TFCP2: variants seen among roughly 807,000 people sequenced by gnomAD.
TFCP2 encodes alpha-globin transcription factor CP2.
TFCP2 carries 33 observed loss-of-function variants against 73.4 expected under a neutral mutation model. The ratio of observed to expected loss-of-function variants is 0.45; its 90% confidence interval spans 0.34 to 0.60. The LOEUF (loss-of-function observed/expected upper bound fraction) is 0.60. Among genes scored for constraint, TFCP2 ranks in the 20% least tolerant of loss-of-function variants. The pLI is 0.01. For missense variants in TFCP2, 352 were observed against 604.0 expected (o/e 0.58, Z 4.37); for synonymous variants, 193 against 211.6 (o/e 0.91, Z 0.76).
intron 10 of TFCP2, 85 bp from the exon 11 acceptor site, chr12:51,102,110 C>T (rs1347695902): frequency 2.2e-6 from 2 of 911,602 alleles, no homozygotes; most frequent in Non-Finnish European, 3.5e-6. Flanking sequence ...TATAAGGACA[C>T]CTCATTACCA....
At chr12:51,144,085 A>C (rs1941241943) in intron 1 of TFCP2, among the ~76,000 whole-genome samples, 1 of 152,178 alleles carries the variant, frequency 6.6e-6, no homozygotes. Context: ...GGCCAAGTGC[A>C]GTGGCATAAT....
intron 1 of TFCP2, among the ~76,000 whole-genome samples, chr12:51,121,281 C>A (rs561492872): frequency 9.9e-5 from 15 of 151,628 alleles, no homozygotes; most frequent in Middle Eastern, 3.4e-3. Flanking sequence ...ATTAGCCGGG[C>A]GCGTTGGCGC....
At chr12:51,132,880 C>G (rs1940979401) in intron 1 of TFCP2, among the ~76,000 whole-genome samples, 1 of 152,156 alleles carries the variant, frequency 6.6e-6, no homozygotes, top group South Asian at 2.1e-4. Flanking sequence ...AGTGAGCCAT[C>G]TTGAACGTCC....
At chr12:51,166,998 A>T (rs1054637217) in intron 1 of TFCP2, among the ~76,000 whole-genome samples, 1 of 152,148 alleles carries the variant, frequency 6.6e-6, no homozygotes, top group Non-Finnish European at 1.5e-5. Flanking sequence ...CCTCCTCCAT[A>T]GTTCTAGTCA....
intron 1 of TFCP2, among the ~76,000 whole-genome samples, chr12:51,154,105 C>T (rs1941488124): frequency 6.6e-6 from 1 of 152,176 alleles, no homozygotes; most frequent in African/African-American, 2.4e-5. Context: ...GTACTTACAA[C>T]ATTTTGCTTA....
chr12:51,154,415 T>C (rs944087011), intron 1 of TFCP2, among the ~76,000 whole-genome samples: 4 of 152,226 alleles, frequency 2.6e-5, no homozygotes, highest in Non-Finnish European at 2.9e-5. Flanking sequence ...TAAATGTGGC[T>C]GGGCACAGTG....
intron 1 of TFCP2, among the ~76,000 whole-genome samples, chr12:51,167,661 T>G (rs1941782466): frequency 6.6e-6 from 1 of 152,150 alleles, no homozygotes; most frequent in African/African-American, 2.4e-5. Context: ...CCCAAAGTGC[T>G]GGGATTACAG....
chr12:51,148,836 C>A (rs1298947061), intron 1 of TFCP2, among the ~76,000 whole-genome samples: 1 of 151,216 alleles, frequency 6.6e-6, no homozygotes, highest in East Asian at 1.9e-4. Flanking sequence ...GCCAGCCTGA[C>A]CAATATGGCG....
At chr12:51,171,670 A>C (rs1941865602) in intron 1 of TFCP2, among the ~76,000 whole-genome samples, 1 of 152,132 alleles carries the variant, frequency 6.6e-6, no homozygotes, top group Non-Finnish European at 1.5e-5. Flanking sequence ...GAGCCACCGC[A>C]CCCGGCCGAA....
chr12:51,164,909 G>C (rs1941722409), intron 1 of TFCP2, among the ~76,000 whole-genome samples: 1 of 152,170 alleles, frequency 6.6e-6, no homozygotes, highest in South Asian at 2.1e-4. Context: ...GAAAAGTCCA[G>C]TATCACATGG....
intron 9 of TFCP2, 51 bp from the exon 10 acceptor site, chr12:51,103,814 CCCAT>C: frequency 7.5e-6 from 11 of 1,459,418 alleles, no homozygotes; most frequent in Non-Finnish European, 7.7e-6. Context: ...TGTCTGTTAC[CCCAT>C]TAGGTAACAC....
rs1271802301 is a variant in TFCP2, at chr12:51,151,222, G to A, written c.122+21079C>T. 3.9e-5 allele frequency among the ~76,000 whole-genome samples: 6 copies of A among 152,184 alleles called. No individual in the cohort carries two copies. The East Asian group carries it at 1.2e-3, about 29-fold the overall frequency. ...CAGGGGAAGAGTATATTCAATGGCT[G>A]GAGGAGCAGACCATATGGATCCTTG... On this transcript the variant is annotated intron_variant, in intron 1 of 14. Transcript: ENST00000257915.
rs370014177 is a variant in TFCP2 at position 51,172,681 on chromosome 12, C to T, written c.-259G>A. 105 of 412,058 alleles carry T rather than the reference C, an allele frequency of 2.5e-4. No homozygotes were observed. In the East Asian group the frequency reaches 2.7e-3, roughly 11 times the overall value. 25.5% of individuals were successfully genotyped at this position (412,058 alleles called of 1,614,324 possible). A position where few individuals can be genotyped will look rare whatever the true frequency, so the allele number is the denominator to read the frequency against. On this transcript the variant is annotated 5_prime_UTR_variant, in exon 1 of 15. Transcript: ENST00000257915. ...TCAGGAACGTGAGGACCCCTTTGCT[C>T]AACTACTGCAGACTTCCCAGAGGCA...
chr12:51,131,040 T>C (rs1455596525), intron 1 of TFCP2, among the ~76,000 whole-genome samples: 2 of 149,652 alleles, frequency 1.3e-5, no homozygotes, highest in Non-Finnish European at 3.0e-5. Flanking sequence ...AAACAAGGAC[T>C]AGACGCAGTT....
At chr12:51,106,928 T>G in intron 7 of TFCP2, 1 of 513,162 alleles carries the variant, frequency 1.9e-6, no homozygotes. Flanking sequence ...ATGCCCAAGA[T>G]GAAACTGAAT....
At chr12:51,156,196 G>A (rs1379911701) in intron 1 of TFCP2, among the ~76,000 whole-genome samples, 1 of 152,110 alleles carries the variant, frequency 6.6e-6, no homozygotes, top group East Asian at 1.9e-4. Context: ...AAGTAAAGAG[G>A]TTTATTTGGC....
intron 1 of TFCP2, among the ~76,000 whole-genome samples, chr12:51,171,233 ACCCCT>A (rs1941853913): frequency 6.6e-6 from 1 of 152,118 alleles, no homozygotes; most frequent in Non-Finnish European, 1.5e-5. Context: ...TAGTCCATCT[ACCCCT>A]AAGATGCAGC....
At position 51,100,792 on chromosome 12, in the gene TFCP2, T is replaced by C. The variant is rs556701073; in HGVS notation, c.1152-1013A>G. Among the ~76,000 whole-genome samples the C allele has an allele frequency of 1.2e-3, 180 of 152,118 alleles. 1 individual carries two copies. The highest frequency in any genetic ancestry group is 6.8e-3 in the Middle Eastern group (2 of 292). The stretch of plus-strand genomic sequence containing the variant: ...TTGCATTGCTGCACTCCAGGCTGGG[T>C]GACAGAGCAAGACCCTGTCTGAAGA... On this transcript the variant is annotated intron_variant, in intron 11 of 14. Transcript: ENST00000257915.
chr12:51,119,963 G>C (rs555127996), intron 1 of TFCP2, among the ~76,000 whole-genome samples: 42 of 151,744 alleles, frequency 2.8e-4, no homozygotes, highest in Non-Finnish European at 4.1e-4. Context: ...TGGATCACCT[G>C]AGGTCAGGAG....
Sources: allele counts gnomAD v4.1 joint callset (sites outside exome capture counted in the v4.1 genomes callset), GRCh38; gene constraint gnomAD v4.1.1; transcripts MANE v1.5; gene names NCBI Gene and HGNC (gene_info 2026-07-23, HGNC 2026-07-21).